USP36: variants seen among roughly 807,000 people sequenced by gnomAD.
USP36 encodes ubiquitin carboxyl-terminal hydrolase 36.
In USP36, 59 loss-of-function variants were observed where a neutral mutation model predicts 111.5. That is an observed-to-expected ratio of 0.53 (90% CI 0.43 to 0.66). USP36 has a LOEUF of 0.66. Ranked by LOEUF, USP36 falls within the 30% of genes least tolerant of loss-of-function variation. The pLI is 0.00. For synonymous variants in USP36, 628 were observed against 581.0 expected, an observed-to-expected ratio of 1.08 and a Z score of -1.16; for missense variants, 1,488 against 1,468.0, an observed-to-expected ratio of 1.01 and a Z score of -0.22.
At position 78,836,275 on chromosome 17, in the gene USP36, G is replaced by A. The variant is rs1402575905; in HGVS notation, c.89C>T (p.Ser30Phe). 1.2e-6 allele frequency: 2 copies of A among 1,614,074 alleles called. No homozygotes were observed. The highest frequency in any genetic ancestry group is 1.6e-4 in the Middle Eastern group (1 of 6,084). Residue 30 changes from serine to phenylalanine, a missense_variant, in exon 3 of 21, where the codon TCC becomes TTC. This residue lies in a region of USP36 where 219 missense variants were observed against 209.5 expected (regional missense o/e 1.05). Transcript: ENST00000449938. The stretch of plus-strand genomic sequence containing the variant: ...CTGTAAAAGGACCTTCTTGGCAGAG[G>A]AGGCAAGAAGCTTCCCCAGTTCTCC... ...DDGELGKLLA[S>F]SAKKVLLQKI...
chr17:78,838,780 G>A (rs915197759), intron 1 of USP36, 30 bp from the exon 2 acceptor site: 2 of 152,520 alleles, frequency 1.3e-5, no homozygotes, highest in African/African-American at 2.4e-5. Flanking sequence ...ACCATCAGTG[G>A]AGGCGACTCT....
In USP36 at chr17:78,798,173, T is replaced by C. The variant is rs1358090160; in HGVS notation, c.*20+227A>G. 11 of 542,984 alleles carry C rather than the reference T, an allele frequency of 2.0e-5. No individual in the cohort carries two copies. Among genetic ancestry groups the C allele is most frequent in the Non-Finnish European group, 3.2e-5 (10 of 309,562 alleles). The allele number at this position is 542,984 out of a possible 1,614,324, so 33.6% of individuals were successfully genotyped here. A position where few individuals can be genotyped will look rare whatever the true frequency, so the allele number is the denominator to read the frequency against. On this transcript the variant is annotated intron_variant, in intron 20 of 20. Transcript: ENST00000449938. This position sits in a 1 kb window ranked among gnomAD's most constrained non-coding sequence, Gnocchi z 5.1. ...ACACACACCCCCTTATACACACGCA[T>C]CCCACACACACCCCCTTATACACAC...
At chr17:78,806,377 A>G (rs2093901791) in intron 14 of USP36, 91 bp from the exon 15 acceptor site, 22 of 1,559,262 alleles carry the variant, frequency 1.4e-5, no homozygotes, top group Non-Finnish European at 1.9e-5. Flanking sequence ...AAATGAAAAT[A>G]AAAACAAAAG....
In USP36 at chr17:78,832,093, A is replaced by G. The variant is rs149793535; in HGVS notation, c.476-3086T>C. Among the ~76,000 whole-genome samples, 3 of 152,344 alleles carry G rather than the reference A, an allele frequency of 2.0e-5. No individual in the cohort carries two copies. In the East Asian group the frequency reaches 5.8e-4, roughly 29 times the overall value. On this transcript the variant is annotated intron_variant, in intron 4 of 20. Transcript: ENST00000449938. ...ATTTATTCATGTAATTTAGGAAAAT[A>G]TAACTCAAAAGTCAATCCATGACTA...
At chr17:78,813,988 A>G in intron 11 of USP36, 115 bp from the exon 12 acceptor site, 6 of 841,126 alleles carry the variant, frequency 7.1e-6, no homozygotes, top group Non-Finnish European at 1.1e-5. Context: ...AAACACTATT[A>G]ATAATCAACA....
Position 78,819,918 on chromosome 17 carries a change from C to G in USP36, c.911+12G>C. On this transcript the variant is annotated intron_variant, in intron 9 of 20. Transcript: ENST00000449938. ...GGTATCAGTCTTCTGCCACAAGCAACGTGAAACTTACTTAGCACACATGTA... is the reference window on the plus strand; with the variant it reads ...GGTATCAGTCTTCTGCCACAAGCAAGGTGAAACTTACTTAGCACACATGTA... 1.2e-6 allele frequency: 2 copies of G among 1,613,536 alleles called. No individual in the cohort carries two copies. Among genetic ancestry groups the G allele is most frequent in the Non-Finnish European group, 1.7e-6 (2 of 1,179,708 alleles).
At chr17:78,807,730 C>A in intron 13 of USP36, 94 bp from the exon 14 acceptor site, 9 of 1,267,286 alleles carry the variant, frequency 7.1e-6, no homozygotes, top group Non-Finnish European at 9.6e-6. Flanking sequence ...TAGTAGCAGG[C>A]ATGGCCTCTG....
rs1223113929 is a variant in USP36 at position 78,803,396 on chromosome 17, T to C, written c.2799A>G (p.Pro933=). 6 of 1,613,026 alleles carry C rather than the reference T, an allele frequency of 3.7e-6. No homozygotes were observed. Among genetic ancestry groups the C allele is most frequent in the Non-Finnish European group, 5.1e-6 (6 of 1,179,360 alleles). The part of the protein sequence containing the change: ...LGEEGGLHQD[P]LRHSCSPMGD... ...GCTCCTGCCCTTACCTGTGCCGAAG[T>C]GGGTCCTGGTGCAGGCCGCCTTCTT... is the stretch of plus-strand genomic sequence containing the variant. Residue 933 remains proline, a synonymous_variant, in exon 16 of 21, where the codon CCA becomes CCG. Transcript: ENST00000449938. This position sits in a 1 kb window ranked among gnomAD's most constrained non-coding sequence, Gnocchi z 4.6.
chr17:78,818,545 A>G (rs2094241553), intron 10 of USP36, 122 bp downstream of exon 10: 1 of 820,022 alleles, frequency 1.2e-6, no homozygotes, highest in African/African-American at 1.7e-5. Flanking sequence ...TAGAACCTTT[A>G]GAACAGGGAC....
In USP36 at chr17:78,806,297, C is replaced by T. The variant is rs529539723; in HGVS notation, c.2086-11G>A. 2.0e-5 allele frequency: 32 copies of T among 1,612,498 alleles called. No homozygotes were observed. Among genetic ancestry groups the T allele is most frequent in the East Asian group, 1.3e-4 (6 of 44,806 alleles). The stretch of plus-strand genomic sequence containing the variant: ...CCACAGGGTGCTGGCCTGCAGTTAT[C>T]GACATAAATAAAAACTTGGTGGTCT... On this transcript the variant is annotated splice_polypyrimidine_tract_variant and intron_variant, in intron 14 of 20. Transcript: ENST00000449938.
At chr17:78,807,672 G>C in intron 13 of USP36, 36 bp from the exon 14 acceptor site, 1 of 1,507,392 alleles carries the variant, frequency 6.6e-7, no homozygotes, top group Non-Finnish European at 8.9e-7. Context: ...AACTGAGGAA[G>C]CGAGAAGTCT....
intron 17 of USP36, among the ~76,000 whole-genome samples, chr17:78,801,980 C>G (rs1382148605): frequency 1.3e-5 from 2 of 152,088 alleles, no homozygotes; most frequent in East Asian, 3.9e-4. Context: ...TTGGTAGGGT[C>G]CCAGGGCCCT....
intron 2 of USP36, 26 bp from the exon 3 acceptor site, chr17:78,836,398 G>A (rs979238815): frequency 1.2e-5 from 19 of 1,600,460 alleles, no homozygotes; most frequent in Non-Finnish European, 1.6e-5. Flanking sequence ...GAAACATAGA[G>A]CCATAGATAA....
intron 10 of USP36, among the ~76,000 whole-genome samples, chr17:78,816,053 G>A (rs776534988): frequency 1.3e-5 from 2 of 152,176 alleles, no homozygotes; most frequent in South Asian, 2.1e-4. Flanking sequence ...CATGGCAGCT[G>A]TAGGCTGAGT....
intron 1 of USP36, among the ~76,000 whole-genome samples, chr17:78,839,306 C>T (rs557896896): frequency 1.7e-4 from 26 of 152,330 alleles, no homozygotes; most frequent in African/African-American, 5.8e-4. Flanking sequence ...GTAACTACAT[C>T]TGACCCATCC....
intron 5 of USP36, 67 bp from the exon 6 acceptor site, chr17:78,827,414 C>A (rs2067664038): frequency 6.8e-7 from 1 of 1,478,474 alleles, no homozygotes; most frequent in South Asian, 1.3e-5. Flanking sequence ...CGGCTGCTTT[C>A]CTGAATGGCC....
chr17:78,831,868 G>A (rs1442159319), intron 4 of USP36, among the ~76,000 whole-genome samples: 1 of 151,392 alleles, frequency 6.6e-6, no homozygotes, highest in Non-Finnish European at 1.5e-5. Flanking sequence ...AGGATTGCTT[G>A]GGAGGTGGAG....
rs901564397 is a variant in USP36, at chr17:78,813,800, T to C, written c.1238A>G (p.Gln413Arg). 5.0e-6 allele frequency: 8 copies of C among 1,614,044 alleles called. No individual in the cohort carries two copies. Among genetic ancestry groups the C allele is most frequent in the African/African-American group, 1.3e-5 (1 of 74,926 alleles). Reference protein sequence around the residue: ...HSSNVKVVLNQQAYVLFYLRI... With the variant: ...HSSNVKVVLNRQAYVLFYLRI... ...CAGATAGAACAGCACGTAGGCCTGCTGGTTCAGAACCACCTTGACGTTGCT... is the reference window on the plus strand; with the variant it reads ...CAGATAGAACAGCACGTAGGCCTGCCGGTTCAGAACCACCTTGACGTTGCT... Residue 413 changes from glutamine (Q) to arginine (R), a missense_variant, in exon 12 of 21, where the codon CAG (glutamine) becomes CGG (arginine). Physicochemically the swap from Gln to Arg is conservative, Grantham distance 43 (BLOSUM62 1). Coordinates refer to ENST00000449938, the MANE Select transcript of USP36 (RefSeq NM_001385174.1).
In USP36 at chr17:78,803,792, G is replaced by A. The variant is rs2093818137; in HGVS notation, c.2403C>T (p.Ala801=). 1.9e-6 allele frequency: 3 copies of A among 1,612,854 alleles called. No individual in the cohort carries two copies. The highest frequency in any genetic ancestry group is 2.5e-6 in the Non-Finnish European group (3 of 1,180,010). Residue 801 remains alanine (A), a synonymous_variant, in exon 16 of 21, where the codon GCC becomes GCT. Coordinates refer to ENST00000449938, the MANE Select transcript of USP36 (RefSeq NM_001385174.1). This position sits in a 1 kb window ranked among gnomAD's most constrained non-coding sequence, Gnocchi z 4.6. ...CAGAGGGGCTCTGGGGGGGCTCACT[G>A]GCCTCTGGCAACTGGTGTGGAAGAG... is the stretch of plus-strand genomic sequence containing the variant. ...LVSLPHQLPE[A]SEPPQSPSEK...
Sources: gnomAD v4.1 joint callset for allele counts (sites outside exome capture counted in the v4.1 genomes callset) on GRCh38, gnomAD v4.1.1 for gene constraint, gnomAD v4.1.1 regional missense constraint, Gnocchi (gnomAD v3.1) non-coding constraint, MANE v1.5 for transcripts, NCBI Gene and HGNC (gene_info 2026-07-23, HGNC 2026-07-21) for gene names.